The following RAD23B variants were observed in gnomAD, a reference collection of about 807,000 sequenced individuals.
RAD23B encodes the protein lysine-specific demethylase RAD23B.
RAD23B carries 5 observed loss-of-function variants against 49.1 expected under a neutral mutation model. The observed-to-expected ratio is 0.10, with a 90% CI of 0.05 to 0.21. RAD23B has a LOEUF of 0.21. Ranked by LOEUF, RAD23B falls within the 10% of genes least tolerant of loss-of-function variation. The pLI is 1.00. For missense variants in RAD23B, 356 were observed against 486.7 expected, an observed-to-expected ratio of 0.73 and a Z score of 2.53; for synonymous variants, 184 against 165.4, an observed-to-expected ratio of 1.11 and a Z score of -0.86.
At chr9:107,320,824 CTCA>C (rs1448583998) in intron 6 of RAD23B, among the ~76,000 whole-genome samples, 6 of 152,258 alleles carry the variant, frequency 3.9e-5, no homozygotes, top group African/African-American at 1.4e-4. Context: ...CGTTGGTTAA[CTCA>C]TTCAAAAACA....
chr9:107,289,935 G>T (rs1833348397), intron 1 of RAD23B, among the ~76,000 whole-genome samples: 1 of 152,138 alleles, frequency 6.6e-6, no homozygotes, highest in African/African-American at 2.4e-5. Flanking sequence ...ACATTGACTT[G>T]TCTTGCTTAA....
At chr9:107,309,619 T>C (rs1372279013) in intron 4 of RAD23B, among the ~76,000 whole-genome samples, 1 of 152,158 alleles carries the variant, frequency 6.6e-6, no homozygotes, top group Non-Finnish European at 1.5e-5. Context: ...ATCTGTGGTG[T>C]TTAAAGAGAA....
intron 1 of RAD23B, among the ~76,000 whole-genome samples, chr9:107,291,369 A>G (rs58184744): frequency 0.015 from 2,318 of 152,302 alleles, 57 homozygotes; most frequent in African/African-American, 0.053. Flanking sequence ...ATTGGCATGA[A>G]TTGGTTGGCT....
At position 107,300,107 on chromosome 9, in the gene RAD23B, C is replaced by T. The variant is rs755084851; in HGVS notation, c.67-34C>T. The T allele has an allele frequency of 2.2e-5, 34 of 1,578,980 alleles. No homozygotes were observed. In the African/African-American group the frequency reaches 4.1e-4, roughly 19 times the overall value. On this transcript the variant is annotated intron_variant, in intron 1 of 9. Transcript: ENST00000358015. ...TCTGGATTGTCATTTTTTATTTAGA[C>T]TTTTTCCAAAACAAATCTTTATTTT... is the stretch of plus-strand genomic sequence containing the variant.
At chr9:107,300,469 G>A (rs1210824262) in intron 2 of RAD23B, among the ~76,000 whole-genome samples, 1 of 151,110 alleles carries the variant, frequency 6.6e-6, no homozygotes, top group Admixed American at 6.6e-5. Context: ...CGTGTAACTG[G>A]CTTTTGTTTT....
chr9:107,319,582 A>T (rs1827069280), intron 6 of RAD23B, among the ~76,000 whole-genome samples: 3 of 152,170 alleles, frequency 2.0e-5, no homozygotes, highest in Admixed American at 2.0e-4. Context: ...GATTTTTGCA[A>T]GGGATTAAGG....
intron 1 of RAD23B, chr9:107,284,910 G>C (rs749252529): frequency 3.1e-6 from 4 of 1,294,386 alleles, no homozygotes; most frequent in Non-Finnish European, 4.1e-6. Context: ...GTGAAGATTA[G>C]ATGGTATGTA....
chr9:107,320,298 G>A (rs1827081491), intron 6 of RAD23B, among the ~76,000 whole-genome samples: 1 of 152,238 alleles, frequency 6.6e-6, no homozygotes, highest in South Asian at 2.1e-4. Flanking sequence ...TTGGTGAGGA[G>A]TGTGTACCCT....
intron 3 of RAD23B, among the ~76,000 whole-genome samples, chr9:107,304,688 A>AACTTTCCCTTTTGTC (rs1826724162): frequency 2.0e-5 from 3 of 152,190 alleles, no homozygotes; most frequent in Non-Finnish European, 2.9e-5. Context: ...TAAAACAGCT[A>AACTTTCCCTTTTGTC]CCTTTTGTCC....
intron 5 of RAD23B, among the ~76,000 whole-genome samples, chr9:107,312,562 C>T (rs1007212237): frequency 2.0e-5 from 3 of 150,002 alleles, no homozygotes; most frequent in African/African-American, 7.3e-5. Flanking sequence ...CATTTAGTGG[C>T]AAAACGGCAG....
At chr9:107,304,322 A>G (rs994264165) in intron 3 of RAD23B, among the ~76,000 whole-genome samples, 3 of 152,214 alleles carry the variant, frequency 2.0e-5, no homozygotes, top group African/African-American at 4.8e-5. Flanking sequence ...ATACATTTTT[A>G]TCTAGATTGG....
chr9:107,314,238 A>G (rs958387245), intron 5 of RAD23B, among the ~76,000 whole-genome samples: 12 of 152,098 alleles, frequency 7.9e-5, no homozygotes, highest in Middle Eastern at 3.2e-3. Context: ...ACAAGTGCAG[A>G]TTTCTTACAT....
chr9:107,287,332 C>G (rs982785775), intron 1 of RAD23B, among the ~76,000 whole-genome samples: 5 of 152,180 alleles, frequency 3.3e-5, no homozygotes, highest in South Asian at 2.1e-4. Context: ...ACTCTTGACA[C>G]TGTTTGCCTT....
At chr9:107,319,865 T>C (rs1827074708) in intron 6 of RAD23B, among the ~76,000 whole-genome samples, 1 of 152,246 alleles carries the variant, frequency 6.6e-6, no homozygotes, top group African/African-American at 2.4e-5. Flanking sequence ...TGACACAGGC[T>C]AAAGTAATTG....
At chr9:107,310,242 A>G (rs1427853803) in intron 4 of RAD23B, among the ~76,000 whole-genome samples, 2 of 152,168 alleles carry the variant, frequency 1.3e-5, no homozygotes, top group Non-Finnish European at 2.9e-5. Flanking sequence ...ATGGATACGG[A>G]TTTAATGTAA....
At chr9:107,284,683 G>T in intron 1 of RAD23B, 1 of 1,092,026 alleles carries the variant, frequency 9.2e-7, no homozygotes, top group South Asian at 2.5e-5. Flanking sequence ...GAAATACACC[G>T]CCAAGATTGT....
rs1827292444 is a variant in RAD23B at position 107,330,837 on chromosome 9, T to C, written c.*1181T>C. 1 of 152,674 alleles carries C rather than the reference T, an allele frequency of 6.5e-6. No individual in the cohort carries two copies. The highest frequency in any genetic ancestry group is 1.5e-5 in the Non-Finnish European group (1 of 68,040). The allele number at this position is 152,674 out of a possible 1,614,324, so 9.5% of individuals were successfully genotyped here. ...TGGGAGATGTGGCTGGAAAGTACTT[T>C]GGAAAATATACAATCAAGATATCTC... On this transcript the variant is annotated 3_prime_UTR_variant, in exon 10 of 10. Coordinates refer to ENST00000358015, the MANE Select transcript of RAD23B (RefSeq NM_002874.5). This position sits in a 1 kb window ranked among gnomAD's most constrained non-coding sequence, Gnocchi z 4.4.
intron 5 of RAD23B, among the ~76,000 whole-genome samples, chr9:107,312,712 AG>A (rs1476692149): frequency 6.6e-6 from 1 of 152,212 alleles, no homozygotes; most frequent in Non-Finnish European, 1.5e-5. Context: ...TATTTCAAAG[AG>A]GGAAAGGCTT....
At chr9:107,311,586 CA>C in intron 4 of RAD23B, 95 bp from the exon 5 acceptor site, 1 of 804,472 alleles carries the variant, frequency 1.2e-6, no homozygotes, top group Non-Finnish European at 1.9e-6. Context: ...TAATTAAAAT[CA>C]AAGAATCTGT....
Sources: allele counts gnomAD v4.1 joint callset (sites outside exome capture counted in the v4.1 genomes callset), GRCh38; gene constraint gnomAD v4.1.1; non-coding constraint Gnocchi (gnomAD v3.1); transcripts MANE v1.5; gene names NCBI Gene and HGNC (gene_info 2026-07-23, HGNC 2026-07-21).